Variants in KIAA1217 observed in about 807,000 individuals in gnomAD.
KIAA1217 encodes the protein KIAA1217.
A neutral mutation model predicts 163.9 loss-of-function variants in KIAA1217; 88 were observed. That is an observed-to-expected ratio of 0.54 (90% CI 0.45 to 0.64). The LOEUF (loss-of-function observed/expected upper bound fraction) is 0.64, where lower values mean the gene tolerates loss of function less well. Ranked by LOEUF, KIAA1217 falls within the 30% of genes least tolerant of loss-of-function variation. KIAA1217 has a pLI of 0.00. For missense variants in KIAA1217, 2,372 were observed against 2,475.0 expected (o/e 0.96, Z 0.88); for synonymous variants, 903 against 923.1 (o/e 0.98, Z 0.39).
chr10:24,319,405 A>C (rs970884098), intron 2 of KIAA1217, among the ~76,000 whole-genome samples: 5 of 139,254 alleles, frequency 3.6e-5, no homozygotes, highest in Non-Finnish European at 7.8e-5. Context: ...AAAAAAAAAA[A>C]GGCAGGGGAT....
chr10:24,517,332 A>G (rs1463496348), intron 10 of KIAA1217, among the ~76,000 whole-genome samples: 2 of 152,116 alleles, frequency 1.3e-5, no homozygotes, highest in African/African-American at 2.4e-5. Context: ...GGAAATAGCT[A>G]GAAGAGAAGA....
At chr10:24,401,675 G>C (rs3858217) in intron 3 of KIAA1217, among the ~76,000 whole-genome samples, 33,527 of 152,036 alleles carry the variant, frequency 0.22, 3,990 homozygotes, top group East Asian at 0.31. Flanking sequence ...ACAGCCAGGA[G>C]TGTCTGATCT....
chr10:24,240,639 A>T (rs999841693), intron 2 of KIAA1217, among the ~76,000 whole-genome samples: 2 of 152,216 alleles, frequency 1.3e-5, no homozygotes, highest in Non-Finnish European at 2.9e-5. Context: ...GGCCTCAGTC[A>T]TCATGTCCAT....
chr10:24,003,688 C>G (rs941209153), intron 1 of KIAA1217, among the ~76,000 whole-genome samples: 1 of 152,168 alleles, frequency 6.6e-6, no homozygotes, highest in African/African-American at 2.4e-5. Context: ...CTCACAAATA[C>G]TGCGCTATCA....
chr10:23,908,247 A>G (rs986721600), intron 1 of KIAA1217, among the ~76,000 whole-genome samples: 20 of 152,080 alleles, frequency 1.3e-4, no homozygotes, highest in African/African-American at 4.8e-4. Flanking sequence ...TCTGATGCTA[A>G]GGAATTTGGA....
chr10:24,099,364 G>A (rs1443454485), intron 2 of KIAA1217, among the ~76,000 whole-genome samples: 1 of 150,992 alleles, frequency 6.6e-6, no homozygotes, highest in East Asian at 2.0e-4. Flanking sequence ...GTCCCAGTGA[G>A]TGAAGTTCCC....
intron 1 of KIAA1217, among the ~76,000 whole-genome samples, chr10:23,918,751 C>T (rs1436480482): frequency 2.0e-5 from 3 of 152,002 alleles, no homozygotes; most frequent in African/African-American, 4.8e-5. Flanking sequence ...CACACACACA[C>T]ACACACACAC....
At chr10:24,112,001 A>T (rs1317161559) in intron 2 of KIAA1217, among the ~76,000 whole-genome samples, 1 of 151,960 alleles carries the variant, frequency 6.6e-6, no homozygotes, top group Non-Finnish European at 1.5e-5. Flanking sequence ...GGGTCTCACT[A>T]TGTTGCCCGG....
intron 1 of KIAA1217, among the ~76,000 whole-genome samples, chr10:23,834,517 A>T (rs78706493): frequency 0.045 from 6,922 of 152,264 alleles, 511 homozygotes; most frequent in African/African-American, 0.15. Context: ...GAGAGAGACG[A>T]TAAAAAATAA....
intron 9 of KIAA1217, among the ~76,000 whole-genome samples, chr10:24,507,267 C>T (rs2068495162): frequency 6.6e-6 from 1 of 152,140 alleles, no homozygotes; most frequent in African/African-American, 2.4e-5. Flanking sequence ...GCTCCATGCC[C>T]AATATCCACT....
chr10:24,473,531 A>T lies in KIAA1217; in HGVS notation c.1150A>T (p.Ile384Phe), dbSNP rs955860240. The stretch of plus-strand genomic sequence containing the variant: ...TGATGAAGACATGAGTGGCAAAAAC[A>T]TTGCAATGTACAGAAATGAGGGTTT... ...KPDEDMSGKN[I>F]AMYRNEGFYA... Residue 384 changes from isoleucine to phenylalanine, a missense_variant, in exon 6 of 21, where the codon ATT (isoleucine) becomes TTT (phenylalanine). This residue lies in a region of KIAA1217 where 1,431 missense variants were observed against 1,470.3 expected (regional missense o/e 0.97). Coordinates refer to ENST00000376454, the MANE Select transcript of KIAA1217 (RefSeq NM_019590.5). 1.4e-5 allele frequency: 23 copies of T among 1,613,996 alleles called. No individual in the cohort carries two copies. The highest frequency in any genetic ancestry group is 1.9e-5 in the Non-Finnish European group (22 of 1,180,022).
intron 2 of KIAA1217, among the ~76,000 whole-genome samples, chr10:24,298,613 C>A (rs1170867600): frequency 6.6e-6 from 1 of 152,030 alleles, no homozygotes; most frequent in Admixed American, 6.6e-5. Flanking sequence ...GCCTGGTCAA[C>A]ATGGCAAAAC....
Position 23,826,440 on chromosome 10 carries a change from C to G in KIAA1217, c.-321+131206C>G, listed in dbSNP as rs78215207. Among the ~76,000 whole-genome samples the G allele has an allele frequency of 8.8e-3, 1,337 of 152,254 alleles. 23 individuals carry two copies. The highest frequency in any genetic ancestry group is 0.031 in the African/African-American group (1,275 of 41,546). On this transcript the variant is annotated intron_variant, in intron 1 of 18. Transcript: ENST00000376462. Reference sequence around the variant, plus strand: ...TGGTAGCATGTGCCTGCAGTCATAGCTACTCGGGAGGCTGAGAGGATAGAA... The same window carrying G: ...TGGTAGCATGTGCCTGCAGTCATAGGTACTCGGGAGGCTGAGAGGATAGAA...
chr10:24,309,350 G>A (rs11014018), intron 2 of KIAA1217, among the ~76,000 whole-genome samples: 13,404 of 132,178 alleles, frequency 0.1, 752 homozygotes, highest in African/African-American at 0.21. Flanking sequence ...ACGCGCGCGC[G>A]CACACACACA....
At chr10:23,993,787 C>G (rs1397324456) in intron 1 of KIAA1217, among the ~76,000 whole-genome samples, 3 of 151,894 alleles carry the variant, frequency 2.0e-5, no homozygotes, top group Admixed American at 2.0e-4. Context: ...ACCATTTTGG[C>G]CAGGCTGGTC....
intron 1 of KIAA1217, among the ~76,000 whole-genome samples, chr10:23,697,737 C>T (rs1252662581): frequency 6.6e-6 from 1 of 151,332 alleles, no homozygotes; most frequent in African/African-American, 2.4e-5. Flanking sequence ...AATTAGCTGG[C>T]ATGGTGATGT....
chr10:24,539,515 G>A (rs895046772), intron 17 of KIAA1217, among the ~76,000 whole-genome samples: 3 of 152,148 alleles, frequency 2.0e-5, no homozygotes, highest in African/African-American at 7.2e-5. Flanking sequence ...ACAAGCGTGA[G>A]CCACCGTGCA....
At chr10:23,791,642 TA>T (rs1321677796) in intron 1 of KIAA1217, among the ~76,000 whole-genome samples, 1 of 152,232 alleles carries the variant, frequency 6.6e-6, no homozygotes, top group Non-Finnish European at 1.5e-5. Context: ...AAAGAAAAAT[TA>T]AAAAGTAATT....
At chr10:24,382,896 G>A (rs10828645) in intron 3 of KIAA1217, among the ~76,000 whole-genome samples, 75,097 of 145,970 alleles carry the variant, frequency 0.51, 21,876 homozygotes, top group African/African-American at 0.8. Flanking sequence ...CACCCAGGCT[G>A]GAGTGCAATG....
Sources: gnomAD v4.1 joint callset for allele counts (sites outside exome capture counted in the v4.1 genomes callset) on GRCh38, gnomAD v4.1.1 for gene constraint, gnomAD v4.1.1 regional missense constraint, MANE v1.5 for transcripts, NCBI Gene and HGNC (gene_info 2026-07-23, HGNC 2026-07-21) for gene names.